PRSS50: variants seen among roughly 807,000 people sequenced by gnomAD.
The protein encoded by PRSS50 is serine protease 50.
Under a neutral mutation model 34.2 loss-of-function variants are expected in PRSS50, and 23 were observed. The ratio of observed to expected loss-of-function variants is 0.67; its 90% CI spans 0.48 to 0.95. The LOEUF (loss-of-function observed/expected upper bound fraction) is 0.95. Ranked by LOEUF, PRSS50 falls within the 40% of genes least tolerant of loss-of-function variation. The pLI, the probability that PRSS50 is intolerant of heterozygous loss-of-function variation, is 0.00. For missense variants in PRSS50, 484 were observed against 513.4 expected (o/e 0.94, Z 0.55); for synonymous variants, 224 against 211.2 (o/e 1.06, Z -0.53).
chr3:46,713,494 T>C (rs1360562934), intron 4 of PRSS50, among the ~76,000 whole-genome samples: 1 of 152,170 alleles, frequency 6.6e-6, no homozygotes, highest in Admixed American at 6.5e-5. Context: ...GAGTAGTGTG[T>C]CCCTGTCCCT....
At chr3:46,713,906 G>A (rs1004664165) in intron 4 of PRSS50, among the ~76,000 whole-genome samples, 2 of 152,360 alleles carry the variant, frequency 1.3e-5, no homozygotes, top group East Asian at 3.9e-4. Flanking sequence ...CGATGCCTGG[G>A]CAGTGGGTGT....
At chr3:46,714,159 G>A (rs912663919) in intron 4 of PRSS50, 59 bp downstream of exon 4, 117 of 1,572,154 alleles carry the variant, frequency 7.4e-5, no homozygotes, top group Middle Eastern at 7.2e-4. Context: ...TGGCACCCTG[G>A]CCTGCACCCA....
At position 46,716,286 on chromosome 3, in the gene PRSS50, T is replaced by C. The variant is rs1700683020; in HGVS notation, c.308-589A>G. Among the ~76,000 whole-genome samples, 1 of 152,220 alleles carries C rather than the reference T, an allele frequency of 6.6e-6. No homozygotes were observed. Among genetic ancestry groups the C allele is most frequent in the African/African-American group, 2.4e-5 (1 of 41,452 alleles). ...TTTTCCTCCTCCTCTGATGAGGTCT[T>C]GCTCTGTCACCCAGGCTGGAGTGCA... On this transcript the variant is annotated intron_variant, in intron 2 of 5. Transcript: ENST00000315170. The surrounding 1 kb of genome is among the most constrained non-coding windows in gnomAD (Gnocchi z 4.4).
rs1575472628 is a variant in PRSS50, at chr3:46,715,418, G to T, written c.470+117C>A. ...AGGACTCAGCCTCCACCTGCTTGGAGCCCAGATGAGGCTGGGGCTGGGACT... is the reference window on the plus strand; with the variant it reads ...AGGACTCAGCCTCCACCTGCTTGGATCCCAGATGAGGCTGGGGCTGGGACT... On this transcript the variant is annotated intron_variant, in intron 3 of 5. Transcript: ENST00000315170. This position sits in a 1 kb window ranked among gnomAD's most constrained non-coding sequence, Gnocchi z 5.2. 1.5e-6 allele frequency: 2 copies of T among 1,342,792 alleles called. No homozygotes were observed. Among genetic ancestry groups the T allele is most frequent in the East Asian group, 2.5e-5 (1 of 40,356 alleles). 83.2% of individuals were successfully genotyped at this position (1,342,792 alleles called of 1,614,324 possible).
At position 46,715,816 on chromosome 3, in the gene PRSS50, T is replaced by C; in HGVS notation, c.308-119A>G. On this transcript the variant is annotated intron_variant, in intron 2 of 5. Transcript: ENST00000315170. The surrounding 1 kb of genome is among the most constrained non-coding windows in gnomAD (Gnocchi z 5.2). ...GCACCCATCCAGGGGTGCTCCCTTT[T>C]CACCTGTCACCATGGAATGATGCTG... The C allele has an allele frequency of 9.3e-7, 1 of 1,073,974 alleles. No individual in the cohort carries two copies. The highest frequency in any genetic ancestry group is 1.3e-6 in the Non-Finnish European group (1 of 753,060). 66.5% of individuals were successfully genotyped at this position (1,073,974 alleles called of 1,614,324 possible).
Position 46,717,620 on chromosome 3 carries a change from C to T in PRSS50, c.124G>A (p.Glu42Lys), listed in dbSNP as rs778911563. 2.5e-6 allele frequency: 4 copies of T among 1,612,872 alleles called. No individual in the cohort carries two copies. The highest frequency in any genetic ancestry group is 1.7e-5 in the Admixed American group (1 of 59,924). The part of the protein sequence containing the change: ...LRSAGCWGAG[E>K]APGALSTADP... ...GCAGTGGACAGCGCCCCCGGGGCTT[C>T]CCCTGCGCCCCAGCAACCTGCGGAG... is the stretch of plus-strand genomic sequence containing the variant. Residue 42 changes from glutamate to lysine, a missense_variant, in exon 2 of 6, where the codon GAA becomes AAA. Glu to Lys is a moderately conservative substitution (Grantham distance 56). Transcript: ENST00000315170. The surrounding 1 kb of genome is among the most constrained non-coding windows in gnomAD (Gnocchi z 4.5).
At position 46,715,917 on chromosome 3, in the gene PRSS50, G is replaced by A. The variant is rs1353539424; in HGVS notation, c.308-220C>T. Among the ~76,000 whole-genome samples the A allele has an allele frequency of 2.6e-5, 4 of 152,132 alleles. No homozygotes were observed. Among genetic ancestry groups the A allele is most frequent in the African/African-American group, 7.2e-5 (3 of 41,424 alleles). On this transcript the variant is annotated intron_variant, in intron 2 of 5. Coordinates refer to ENST00000315170, the MANE Select transcript of PRSS50 (RefSeq NM_013270.5). This position sits in a 1 kb window ranked among gnomAD's most constrained non-coding sequence, Gnocchi z 5.2. ...AGATATCTCTCTCCCTGTTCCCACAGCCCGGGCCCTAGAGCATCCCCAGCC... is the reference window on the plus strand; with the variant it reads ...AGATATCTCTCTCCCTGTTCCCACAACCCGGGCCCTAGAGCATCCCCAGCC...
intron 4 of PRSS50, among the ~76,000 whole-genome samples, chr3:46,713,332 C>T (rs1341071159): frequency 4.6e-5 from 7 of 152,346 alleles, no homozygotes; most frequent in African/African-American, 1.7e-4. Flanking sequence ...CCACCACACT[C>T]GGCCTCTTGG....
chr3:46,712,243 GAGTC>G lies in PRSS50; in HGVS notation c.1157_*2del, dbSNP rs772789782. On this transcript the variant is annotated stop_lost and 3_prime_UTR_variant, in exon 6 of 6. Coordinates refer to ENST00000315170, the MANE Select transcript of PRSS50 (RefSeq NM_013270.5). Reference sequence around the variant, plus strand: ...GCCCACAAGTGAGGGAGGGCACACAGAGTCAGAGGGCAGCAAGGAGGCTGAGGGG... The same window carrying G: ...GCCCACAAGTGAGGGAGGGCACACAGAGAGGGCAGCAAGGAGGCTGAGGGG... 3 of 1,603,572 alleles carry G rather than the reference GAGTC, an allele frequency of 1.9e-6. No individual in the cohort carries two copies. The highest frequency in any genetic ancestry group is 2.6e-6 in the Non-Finnish European group (3 of 1,174,758).
Position 46,712,393 on chromosome 3 carries a change from G to A in PRSS50, c.1011C>T (p.Ser337=), listed in dbSNP as rs199889529. ...LVSWGAGCQK[S]EAPPIYLQVS... ...CCTGTAGGTAGATGGGTGGGGCCTC[G>A]CTCTTCTGGCAGCCTGCACCCCAGC... The change falls in exon 6 of 6, where the codon AGC becomes AGT. Residue 337 remains serine, a synonymous_variant. Transcript: ENST00000315170. The A allele has an allele frequency of 1.4e-5, 22 of 1,613,860 alleles. No individual in the cohort carries two copies. Among genetic ancestry groups the A allele is most frequent in the Middle Eastern group, 1.7e-4 (1 of 6,060 alleles).
rs1433648509 is a variant in PRSS50 at position 46,712,297 on chromosome 3, C to T, written c.1107G>A (p.Arg369=). Residue 369 remains arginine, a synonymous_variant, in exon 6 of 6, where the codon AGG becomes AGA. Coordinates refer to ENST00000315170, the MANE Select transcript of PRSS50 (RefSeq NM_013270.5). ...GCAGTGGGAGTGCCAGGAGCAGGGT[C>T]CTGGATGGGGCTGGCAGGGCCAGGG... The part of the protein sequence containing the change: ...GQALALPAPS[R]TLLLALPLPL... The T allele has an allele frequency of 6.2e-7, 1 of 1,613,092 alleles. No individual in the cohort carries two copies.
Position 46,716,554 on chromosome 3 carries a change from A to G in PRSS50, c.308-857T>C, listed in dbSNP as rs1700686097. ...GCTGGGATTATAAGCATGACCCACT[A>G]CCTCCAGCCTGAAAATGCAGATTTC... On this transcript the variant is annotated intron_variant, in intron 2 of 5. Coordinates refer to ENST00000315170, the MANE Select transcript of PRSS50 (RefSeq NM_013270.5). The surrounding 1 kb of genome is among the most constrained non-coding windows in gnomAD (Gnocchi z 4.4). 6.6e-6 allele frequency among the ~76,000 whole-genome samples: 1 copy of G among 152,064 alleles called. No individual in the cohort carries two copies. Among genetic ancestry groups the G allele is most frequent in the African/African-American group, 2.4e-5 (1 of 41,376 alleles).
rs540866613 is a variant in PRSS50 at position 46,717,136 on chromosome 3, T to C, written c.307+301A>G. On this transcript the variant is annotated intron_variant, in intron 2 of 5. Transcript: ENST00000315170. This position sits in a 1 kb window ranked among gnomAD's most constrained non-coding sequence, Gnocchi z 4.5. ...GCCTGGAGCAGGGTGAGAGGCCACCTGCCCCACAGCCAGCTCAGGCGAGGC... is the reference window on the plus strand; with the variant it reads ...GCCTGGAGCAGGGTGAGAGGCCACCCGCCCCACAGCCAGCTCAGGCGAGGC... Among the ~76,000 whole-genome samples the C allele has an allele frequency of 6.6e-6, 1 of 152,258 alleles. No individual in the cohort carries two copies. The highest frequency in any genetic ancestry group is 6.5e-5 in the Admixed American group (1 of 15,306).
At position 46,717,589 on chromosome 3, in the gene PRSS50, G is replaced by C; in HGVS notation, c.155C>G (p.Pro52Arg). The C allele has an allele frequency of 6.2e-7, 1 of 1,613,602 alleles. No individual in the cohort carries two copies. Among genetic ancestry groups the C allele is most frequent in the Non-Finnish European group, 8.5e-7 (1 of 1,179,890 alleles). ...EAPGALSTAD[P>R]ADQSVQCVPK... The stretch of plus-strand genomic sequence containing the variant: ...GACACACTGGACGCTCTGGTCGGCG[G>C]GATCAGCAGTGGACAGCGCCCCCGG... The change falls in exon 2 of 6, where the codon CCC (proline) becomes CGC (arginine). Residue 52 changes from proline to arginine, a missense_variant. Physicochemically the swap from Pro to Arg is moderately radical, Grantham distance 103. Transcript: ENST00000315170. The surrounding 1 kb of genome is among the most constrained non-coding windows in gnomAD (Gnocchi z 4.5).
chr3:46,713,871 C>A (rs1187311820), intron 4 of PRSS50, among the ~76,000 whole-genome samples: 4 of 152,258 alleles, frequency 2.6e-5, no homozygotes, highest in African/African-American at 9.6e-5. Flanking sequence ...GCTCCCCCGA[C>A]CTCAGGTGCT....
chr3:46,713,897 G>A (rs887509275), intron 4 of PRSS50, among the ~76,000 whole-genome samples: 5 of 152,256 alleles, frequency 3.3e-5, no homozygotes, highest in Admixed American at 6.5e-5. Flanking sequence ...GCAAGCTGCC[G>A]ATGCCTGGGC....
chr3:46,714,072 G>A (rs1260113721), intron 4 of PRSS50, 146 bp downstream of exon 4: 2 of 1,073,574 alleles, frequency 1.9e-6, no homozygotes, highest in Non-Finnish European at 2.6e-6. Context: ...GGAGACCTCA[G>A]AGATGAGAGC....
At chr3:46,714,705 C>T (rs1700658778) in intron 3 of PRSS50, among the ~76,000 whole-genome samples, 1 of 152,168 alleles carries the variant, frequency 6.6e-6, no homozygotes, top group African/African-American at 2.4e-5. Flanking sequence ...CAAGACCCTT[C>T]ATTTTATGGA....
At position 46,714,270 on chromosome 3, in the gene PRSS50, C is replaced by T; in HGVS notation, c.702G>A (p.Leu234=). 1 of 1,614,162 alleles carries T rather than the reference C, an allele frequency of 6.2e-7. No individual in the cohort carries two copies. Among genetic ancestry groups the T allele is most frequent in the Non-Finnish European group, 8.5e-7 (1 of 1,180,042 alleles). ...TCACAGTGCAGCGGGAATGGTCCTT[C>T]AACACATAGTCCGTGCCAGGCAGGC... ...PICLPGTDYV[L]KDHSRCTVTG... Residue 234 remains leucine (L), a synonymous_variant, in exon 4 of 6, where the codon TTG becomes TTA. Transcript: ENST00000315170.
Sources: gnomAD v4.1 joint callset for allele counts (sites outside exome capture counted in the v4.1 genomes callset) on GRCh38, gnomAD v4.1.1 for gene constraint, Gnocchi (gnomAD v3.1) non-coding constraint, MANE v1.5 for transcripts, NCBI Gene and HGNC (gene_info 2026-07-23, HGNC 2026-07-21) for gene names.